Variants in LINGO2 observed in about 807,000 individuals in gnomAD.
LINGO2 encodes the protein leucine rich repeat and Ig domain containing 2.
Under a neutral mutation model 30.6 loss-of-function variants are expected in LINGO2, and 14 were observed. The observed-to-expected ratio is 0.46, with a 90% CI of 0.30 to 0.72. The LOEUF (loss-of-function observed/expected upper bound fraction) is 0.72. Among genes scored for constraint, LINGO2 ranks in the 30% least tolerant of loss-of-function variants. The probability of loss-of-function intolerance (pLI) is 0.07; values close to 1 mark genes in which losing one functional copy is unlikely to be tolerated. For synonymous variants in LINGO2, 317 were observed against 288.5 expected (o/e 1.10, Z -1.00); for missense variants, 729 against 751.7 (o/e 0.97, Z 0.35).
chr9:28,406,971 T>A (rs934926512), intron 2 of LINGO2, among the ~76,000 whole-genome samples: 2 of 152,134 alleles, frequency 1.3e-5, no homozygotes, highest in African/African-American at 4.8e-5. Flanking sequence ...AGTCTCTTAA[T>A]TCCTGTGTTG....
At chr9:28,656,025 G>T (rs1828321681) in intron 1 of LINGO2, among the ~76,000 whole-genome samples, 2 of 152,096 alleles carry the variant, frequency 1.3e-5, no homozygotes, top group African/African-American at 4.8e-5. Flanking sequence ...GCTATGAGAA[G>T]CAGGTGAATT....
At chr9:28,226,630 AGAAG>A (rs60999648) in intron 4 of LINGO2, among the ~76,000 whole-genome samples, 8,529 of 75,550 alleles carry the variant, frequency 0.11, 275 homozygotes, top group Non-Finnish European at 0.12. Context: ...AAAGAAGGAA[AGAAG>A]GAAAGAAGGA....
intron 4 of LINGO2, among the ~76,000 whole-genome samples, chr9:28,249,072 T>C (rs1822104131): frequency 6.6e-6 from 1 of 152,144 alleles, no homozygotes; most frequent in South Asian, 2.1e-4. Flanking sequence ...GAGTCCTATA[T>C]TTACTTACAT....
chr9:27,949,228 C>T, exon 6 of LINGO2: 17 of 1,614,082 alleles, frequency 1.1e-5, no homozygotes, highest in Non-Finnish European at 1.4e-5. Flanking sequence ...GCGATGCAAA[C>T]ATACATCCCG....
chr9:29,171,743 C>T, the LINGO2 span, among the ~76,000 whole-genome samples: 1 of 151,656 alleles, frequency 6.6e-6, no homozygotes, highest in Non-Finnish European at 1.5e-5. Context: ...AGTAGAATTG[C>T]AATACAACAT....
intron 4 of LINGO2, among the ~76,000 whole-genome samples, chr9:28,014,559 C>T: frequency 1.3e-5 from 1 of 78,954 alleles, no homozygotes; most frequent in South Asian, 5.1e-4. Flanking sequence ...CTTTTTTATC[C>T]AGGATAAGAC....
At chr9:28,965,884 C>T in the LINGO2 span, among the ~76,000 whole-genome samples, 1 of 152,050 alleles carries the variant, frequency 6.6e-6, no homozygotes, top group Admixed American at 6.6e-5. Flanking sequence ...TATGTCTTCA[C>T]AAGGGCTGCA....
At chr9:28,960,218 A>T in the LINGO2 span, among the ~76,000 whole-genome samples, 1 of 152,176 alleles carries the variant, frequency 6.6e-6, no homozygotes, top group Admixed American at 6.5e-5. Context: ...CTCTAAGAAA[A>T]GATAGCAAAT....
At chr9:27,991,738 G>A (rs1162454480) in intron 5 of LINGO2, among the ~76,000 whole-genome samples, 1 of 152,078 alleles carries the variant, frequency 6.6e-6, no homozygotes, top group East Asian at 1.9e-4. Context: ...CCTATGGATA[G>A]AACATTTTAG....
At chr9:27,995,092 C>A (rs1389670375) in intron 5 of LINGO2, among the ~76,000 whole-genome samples, 1 of 152,040 alleles carries the variant, frequency 6.6e-6, no homozygotes, top group Non-Finnish European at 1.5e-5. Context: ...TACAAAGAAT[C>A]ATTAGAGAAT....
chr9:29,006,414 T>A, the LINGO2 span, among the ~76,000 whole-genome samples: 8 of 151,944 alleles, frequency 5.3e-5, no homozygotes, highest in African/African-American at 1.4e-4. Context: ...TCCATATAAT[T>A]CATGCATCTC....
intron 2 of LINGO2, among the ~76,000 whole-genome samples, chr9:28,430,107 C>CGTGTGTGTGTGTGTGT (rs112852261): frequency 3.8e-4 from 7 of 18,228 alleles, no homozygotes; most frequent in African/African-American, 6.8e-4. Flanking sequence ...CGCGCGCGCG[C>CGTGTGTGTGTGTGTGT]GCGTGTGTGT....
the LINGO2 span, among the ~76,000 whole-genome samples, chr9:28,687,576 T>G: frequency 6.6e-6 from 1 of 152,098 alleles, no homozygotes; most frequent in African/African-American, 2.4e-5. Flanking sequence ...ACTACTCATT[T>G]GAGTCAACAT....
chr9:28,291,851 G>A (rs1823741967), intron 4 of LINGO2, among the ~76,000 whole-genome samples: 1 of 152,166 alleles, frequency 6.6e-6, no homozygotes, highest in African/African-American at 2.4e-5. Flanking sequence ...AAGAAACTTG[G>A]CAAATTCCAA....
intron 3 of LINGO2, among the ~76,000 whole-genome samples, chr9:28,358,586 A>G (rs1820321645): frequency 6.6e-6 from 1 of 152,152 alleles, no homozygotes; most frequent in South Asian, 2.1e-4. Flanking sequence ...GGAAGAAAAG[A>G]GTTGAGCCCA....
At chr9:28,071,626 A>C (rs1409905874) in intron 4 of LINGO2, among the ~76,000 whole-genome samples, 3 of 151,566 alleles carry the variant, frequency 2.0e-5, no homozygotes, top group Non-Finnish European at 4.4e-5. Context: ...CCCTAAAAAC[A>C]CTAGAAGGTG....
At chr9:28,605,121 A>C (rs1825646073) in intron 1 of LINGO2, among the ~76,000 whole-genome samples, 1 of 152,078 alleles carries the variant, frequency 6.6e-6, no homozygotes, top group Non-Finnish European at 1.5e-5. Context: ...GTCTAGTTTA[A>C]ATTTAGAAAA....
At chr9:28,889,494 A>G in the LINGO2 span, among the ~76,000 whole-genome samples, 1 of 152,022 alleles carries the variant, frequency 6.6e-6, no homozygotes, top group South Asian at 2.1e-4. Context: ...CATTCTGGAT[A>G]TAAATGTGTG....
chr9:28,133,667 G>A (rs1389329920), intron 4 of LINGO2, among the ~76,000 whole-genome samples: 3 of 152,152 alleles, frequency 2.0e-5, no homozygotes, highest in Non-Finnish European at 1.5e-5. Context: ...GGGGTTCATA[G>A]AACTCAGATT....
Sources: gnomAD v4.1 joint callset for allele counts (sites outside exome capture counted in the v4.1 genomes callset) on GRCh38, gnomAD v4.1.1 for gene constraint, MANE v1.5 for transcripts, NCBI Gene and HGNC (gene_info 2026-07-23, HGNC 2026-07-21) for gene names.